Variants in KSR2 observed in about 807,000 individuals in gnomAD.
The protein encoded by KSR2 is kinase suppressor of ras 2.
Under a neutral mutation model 107.8 loss-of-function variants are expected in KSR2, and 25 were observed. That is an observed-to-expected ratio of 0.23 (90% CI 0.17 to 0.32). The LOEUF is 0.32. Ranked by LOEUF, KSR2 falls within the 10% of genes least tolerant of loss-of-function variation. The pLI is 1.00. For synonymous variants in KSR2, 480 were observed against 507.0 expected (o/e 0.95, Z 0.71); for missense variants, 887 against 1,268.9 (o/e 0.70, Z 4.57).
At chr12:117,617,874 G>C (rs578169484) in intron 5 of KSR2, among the ~76,000 whole-genome samples, 5 of 152,152 alleles carry the variant, frequency 3.3e-5, no homozygotes, top group Admixed American at 1.3e-4. Flanking sequence ...ACCTAGACGA[G>C]TTGAGGAGAT....
chr12:117,776,883 T>C (rs1339697313), intron 3 of KSR2, among the ~76,000 whole-genome samples: 1 of 151,942 alleles, frequency 6.6e-6, no homozygotes, highest in Admixed American at 6.6e-5. Flanking sequence ...TGTTATACAA[T>C]CAGTTCTTGT....
intron 3 of KSR2, among the ~76,000 whole-genome samples, chr12:117,818,806 G>C (rs1422702512): frequency 6.6e-6 from 1 of 152,178 alleles, no homozygotes; most frequent in East Asian, 1.9e-4. Flanking sequence ...GATGACAAAA[G>C]AGCAGGCAGG....
intron 5 of KSR2, among the ~76,000 whole-genome samples, chr12:117,636,081 G>A (rs1156516131): frequency 6.6e-6 from 1 of 152,046 alleles, no homozygotes; most frequent in African/African-American, 2.4e-5. Context: ...CGTGAGCCAG[G>A]GCACCTGGCC....
intron 14 of KSR2, among the ~76,000 whole-genome samples, chr12:117,495,603 C>A (rs994887206): frequency 6.6e-6 from 1 of 152,328 alleles, no homozygotes; most frequent in East Asian, 1.9e-4. Context: ...TAGCTGCCCA[C>A]GAGGGCACTG....
chr12:117,862,062 CT>C (rs34794818), intron 1 of KSR2, among the ~76,000 whole-genome samples: 506 of 139,712 alleles, frequency 3.6e-3, no homozygotes, highest in East Asian at 3.6e-3. Flanking sequence ...ATATTATCAT[CT>C]TTTTTTTTTT....
chr12:117,532,063 G>A (rs1202441813), intron 10 of KSR2, among the ~76,000 whole-genome samples: 1 of 152,016 alleles, frequency 6.6e-6, no homozygotes, highest in Non-Finnish European at 1.5e-5. Flanking sequence ...TCCCCTTTTG[G>A]CAGAATGATT....
intron 4 of KSR2, among the ~76,000 whole-genome samples, chr12:117,696,079 C>A (rs1286724531): frequency 1.3e-5 from 2 of 152,104 alleles, no homozygotes; most frequent in Non-Finnish European, 1.5e-5. Context: ...TGCTCAGAGC[C>A]AATTTAATTA....
chr12:117,484,169 G>C (rs1199486038), intron 16 of KSR2, among the ~76,000 whole-genome samples: 2 of 152,200 alleles, frequency 1.3e-5, no homozygotes, highest in Non-Finnish European at 2.9e-5. Context: ...GGCTTTGAAA[G>C]GTCTGGGGGT....
At chr12:117,845,434 G>T (rs888358382) in intron 3 of KSR2, among the ~76,000 whole-genome samples, 4 of 152,164 alleles carry the variant, frequency 2.6e-5, no homozygotes, top group African/African-American at 7.2e-5. Context: ...TGTCATTCAA[G>T]TCTCAGCTTA....
chr12:117,548,863 A>G (rs1031763697), intron 9 of KSR2, among the ~76,000 whole-genome samples: 3 of 152,244 alleles, frequency 2.0e-5, no homozygotes, highest in Non-Finnish European at 4.4e-5. Context: ...TAGACAAACA[A>G]ATGGATACTG....
At chr12:117,961,922 G>A (rs1896670240) in intron 1 of KSR2, among the ~76,000 whole-genome samples, 1 of 152,202 alleles carries the variant, frequency 6.6e-6, no homozygotes, top group South Asian at 2.1e-4. Flanking sequence ...AGGCAAGAGG[G>A]TGGCTTGAAG....
chr12:117,643,229 C>G (rs1180496134), intron 5 of KSR2, among the ~76,000 whole-genome samples: 1 of 152,076 alleles, frequency 6.6e-6, no homozygotes, highest in African/African-American at 2.4e-5. Context: ...TCACTTGAGG[C>G]CGGAAGCGCA....
chr12:117,899,836 G>A (rs1379768703), intron 1 of KSR2, among the ~76,000 whole-genome samples: 1 of 152,216 alleles, frequency 6.6e-6, no homozygotes, highest in African/African-American at 2.4e-5. Context: ...CAGCCACGTT[G>A]TGAACATGAA....
chr12:117,849,945 G>A (rs926090093), intron 3 of KSR2, among the ~76,000 whole-genome samples: 1 of 152,212 alleles, frequency 6.6e-6, no homozygotes, highest in Non-Finnish European at 1.5e-5. Flanking sequence ...GGGTTGAGCT[G>A]GGGCTATTAA....
intron 3 of KSR2, among the ~76,000 whole-genome samples, chr12:117,781,880 T>C (rs1271216988): frequency 1.3e-5 from 2 of 152,032 alleles, no homozygotes; most frequent in Middle Eastern, 3.2e-3. Context: ...AAAGAACAAA[T>C]GCAAAACTAA....
chr12:117,725,064 CCTCTCT>C (rs5801250), intron 4 of KSR2, among the ~76,000 whole-genome samples: 59 of 142,782 alleles, frequency 4.1e-4, no homozygotes, highest in Middle Eastern at 3.6e-3. Context: ...GGCTTAATTC[CCTCTCT>C]CTCTCTCTCT....
At chr12:117,616,820 T>C (rs538045952) in intron 5 of KSR2, among the ~76,000 whole-genome samples, 3 of 152,334 alleles carry the variant, frequency 2.0e-5, no homozygotes, top group African/African-American at 7.2e-5. Flanking sequence ...AGGAAACAAC[T>C]TGAAATATCT....
chr12:117,602,720 T>A (rs1311155351), intron 5 of KSR2, among the ~76,000 whole-genome samples: 1 of 152,258 alleles, frequency 6.6e-6, no homozygotes. Flanking sequence ...TATTTGCGTA[T>A]AGGTATTTGT....
intron 17 of KSR2, among the ~76,000 whole-genome samples, chr12:117,472,412 G>A (rs1047240648): frequency 6.6e-6 from 1 of 152,178 alleles, no homozygotes; most frequent in African/African-American, 2.4e-5. Flanking sequence ...CAGGATGCTA[G>A]GGTGTCACTG....
Sources: allele counts gnomAD v4.1 joint callset (sites outside exome capture counted in the v4.1 genomes callset), GRCh38; gene constraint gnomAD v4.1.1; transcripts MANE v1.5; gene names NCBI Gene and HGNC (gene_info 2026-07-23, HGNC 2026-07-21).